The following DNMT3A variants were observed in gnomAD, a reference collection of about 807,000 sequenced individuals.
DNMT3A encodes DNA methyltransferase 3 alpha, also known as DNA (cytosine-5)-methyltransferase 3A.
A neutral mutation model predicts 117.6 loss-of-function variants in DNMT3A; 267 were observed. The ratio of observed to expected loss-of-function variants is 2.27; its 90% CI spans 2.05 to 2.51. The LOEUF is 2.51. DNMT3A is among the 30% of genes most tolerant of loss of function. The pLI is 0.00. For synonymous variants in DNMT3A, 432 were observed against 474.8 expected (o/e 0.91, Z 1.17); for missense variants, 1,029 against 1,260.2 (o/e 0.82, Z 2.78).
rs1424787152 is a variant in DNMT3A at position 25,248,025 on chromosome 2, G to A, written c.855+12C>T. 6.2e-7 allele frequency: 1 copy of A among 1,611,768 alleles called. No individual in the cohort carries two copies. The highest frequency in any genetic ancestry group is 8.5e-7 in the Non-Finnish European group (1 of 1,179,916). ...GAAAGAGCTGGCCACGGCTGGTGAAGAAGCCGCTCACCTCGTACTCTGGCT... is the reference window on the plus strand; with the variant it reads ...GAAAGAGCTGGCCACGGCTGGTGAAAAAGCCGCTCACCTCGTACTCTGGCT... On this transcript the variant is annotated intron_variant, in intron 7 of 22. Coordinates refer to ENST00000321117, the MANE Select transcript of DNMT3A (RefSeq NM_022552.5).
At chr2:25,328,732 G>A (rs919483744) in intron 1 of DNMT3A, 1 of 502,734 alleles carries the variant, frequency 2.0e-6, no homozygotes, top group Non-Finnish European at 4.1e-6. Flanking sequence ...CCATTCTAGG[G>A]GTCGCTTGGC....
chr2:25,306,667 G>A lies in DNMT3A; in HGVS notation c.73-6424C>T, dbSNP rs947070286. Among the ~76,000 whole-genome samples, 3 of 152,084 alleles carry A rather than the reference G, an allele frequency of 2.0e-5. No individual in the cohort carries two copies. Among genetic ancestry groups the A allele is most frequent in the Non-Finnish European group, 2.9e-5 (2 of 68,026 alleles). On this transcript the variant is annotated intron_variant, in intron 2 of 22. Coordinates refer to ENST00000321117, the MANE Select transcript of DNMT3A (RefSeq NM_022552.5). The surrounding 1 kb of genome is among the most constrained non-coding windows in gnomAD (Gnocchi z 4.1). ...CATTGTCTTCTGGAGGTGCAGGGTG[G>A]GCCAGACCTCACACCCACGAGCAGC...
chr2:25,290,749 T>C (rs56306948), intron 3 of DNMT3A, among the ~76,000 whole-genome samples: 2,085 of 135,398 alleles, frequency 0.015, 39 homozygotes, highest in African/African-American at 0.052. Flanking sequence ...AGAAGCCCTG[T>C]CCCCAGGCTG....
rs895451004 is a variant in DNMT3A, at chr2:25,294,554, G to A, written c.177+5585C>T. ...TAGGGGCACCATATCACCCAGCCGA[G>A]GTCCGGAGGGTTAGCCCAGGAGCGG... On this transcript the variant is annotated intron_variant, in intron 3 of 22. Coordinates refer to ENST00000321117, the MANE Select transcript of DNMT3A (RefSeq NM_022552.5). The surrounding 1 kb of genome is among the most constrained non-coding windows in gnomAD (Gnocchi z 4.7). Among the ~76,000 whole-genome samples the A allele has an allele frequency of 6.6e-6, 1 of 152,224 alleles. No homozygotes were observed. The highest frequency in any genetic ancestry group is 2.4e-5 in the African/African-American group (1 of 41,450).
Position 25,240,719 on chromosome 2 carries a change from C to T in DNMT3A, c.2094G>A (p.Trp698Ter), listed in dbSNP as rs753452266. The part of the protein sequence containing the change: ...RSVTQKHIQE[W>*]GPFDLVIGGS... ...CCCCAATCACCAGATCGAATGGGCC[C>T]CACTCCTGGATCTGGGAGGATAAAG... is the stretch of plus-strand genomic sequence containing the variant. The change falls in exon 18 of 23, where the codon TGG becomes TGA. Residue 698 changes from tryptophan (W) to a stop codon, truncating the protein, a stop_gained. Coordinates refer to ENST00000321117, the MANE Select transcript of DNMT3A (RefSeq NM_022552.5). LOFTEE classifies it high-confidence loss of function. 4 of 1,614,158 alleles carry T rather than the reference C, an allele frequency of 2.5e-6. No homozygotes were observed. Among genetic ancestry groups the T allele is most frequent in the Non-Finnish European group, 3.4e-6 (4 of 1,180,010 alleles).
At chr2:25,299,205 G>T (rs1357816643) in intron 3 of DNMT3A, among the ~76,000 whole-genome samples, 3 of 152,222 alleles carry the variant, frequency 2.0e-5, no homozygotes, top group Non-Finnish European at 2.9e-5. Context: ...AAACCAGTTA[G>T]GCTCCTACAG....
Position 25,327,382 on chromosome 2 carries a change from C to T in DNMT3A, c.-177-13221G>A, listed in dbSNP as rs1178601063. Reference sequence around the variant, plus strand: ...TCAACATCCTGGCCAGCTAATCACTCCCTGCTTCAAGCACTCACTCAACAG... The same window carrying T: ...TCAACATCCTGGCCAGCTAATCACTTCCTGCTTCAAGCACTCACTCAACAG... On this transcript the variant is annotated intron_variant, in intron 1 of 22. Coordinates refer to ENST00000321117, the MANE Select transcript of DNMT3A (RefSeq NM_022552.5). The surrounding 1 kb of genome is among the most constrained non-coding windows in gnomAD (Gnocchi z 4.1). Among the ~76,000 whole-genome samples the T allele has an allele frequency of 1.3e-5, 2 of 152,132 alleles. No individual in the cohort carries two copies. The highest frequency in any genetic ancestry group is 2.9e-5 in the Non-Finnish European group (2 of 68,024).
intron 3 of DNMT3A, among the ~76,000 whole-genome samples, chr2:25,299,693 G>A (rs2033309037): frequency 6.6e-6 from 1 of 152,184 alleles, no homozygotes; most frequent in Non-Finnish European, 1.5e-5. Context: ...CACTTTGGGA[G>A]GCTGAAGTGG....
chr2:25,326,712 T>C (rs978085177), intron 1 of DNMT3A, among the ~76,000 whole-genome samples: 2 of 152,190 alleles, frequency 1.3e-5, no homozygotes, highest in Non-Finnish European at 2.9e-5. Context: ...TTGCCAGATA[T>C]GAAGCTTCCC....
Position 25,252,268 on chromosome 2 carries a change from G to A in DNMT3A, c.640-4016C>T. 2.3e-6 allele frequency: 3 copies of A among 1,289,970 alleles called. No homozygotes were observed. The highest frequency in any genetic ancestry group is 2.6e-5 in the Admixed American group (1 of 38,384). 79.9% of individuals were successfully genotyped at this position (1,289,970 alleles called of 1,614,324 possible). On this transcript the variant is annotated intron_variant, in intron 6 of 22. Coordinates refer to ENST00000321117, the MANE Select transcript of DNMT3A (RefSeq NM_022552.5). This position sits in a 1 kb window ranked among gnomAD's most constrained non-coding sequence, Gnocchi z 5.5. Reference sequence around the variant, plus strand: ...CGGCCCTGAAGCTCTGGAAGTAGCTGCCCGTCTTGGGGGAGGGGAAGGGGG... The same window carrying A: ...CGGCCCTGAAGCTCTGGAAGTAGCTACCCGTCTTGGGGGAGGGGAAGGGGG...
At position 25,237,003 on chromosome 2, in the gene DNMT3A, G is replaced by A. The variant is rs750597155; in HGVS notation, c.2411C>T (p.Pro804Leu). 2.5e-6 allele frequency: 4 copies of A among 1,613,386 alleles called. No individual in the cohort carries two copies. Among genetic ancestry groups the A allele is most frequent in the Non-Finnish European group, 3.4e-6 (4 of 1,179,892 alleles). Residue 804 changes from proline (P) to leucine (L), a missense_variant and splice_region_variant, in exon 21 of 23, where the codon CCG becomes CTG. Physicochemically the swap from Pro to Leu is moderately conservative, Grantham distance 98. Transcript: ENST00000321117. This position sits in a 1 kb window ranked among gnomAD's most constrained non-coding sequence, Gnocchi z 5.4. Reference protein sequence around the residue: ...FWGNLPGMNRPLASTVNDKLE... With the variant: ...FWGNLPGMNRLLASTVNDKLE... The stretch of plus-strand genomic sequence containing the variant: ...CTTATCATTCACAGTGGATGCCAAC[G>A]GCCTAGGAGGCAGAAGAGAGACTGT...
rs1302086379 is a variant in DNMT3A at position 25,240,628 on chromosome 2, G to A, written c.2173+12C>T. 13 of 1,614,152 alleles carry A rather than the reference G, an allele frequency of 8.1e-6. No homozygotes were observed. In the South Asian group the frequency reaches 1.4e-4, roughly 18 times the overall value. ...CCAGCTGAGAAGGTGGAGGGGACAG[G>A]ATGGTACCTACCGTAGAGGCCCTTG... On this transcript the variant is annotated intron_variant, in intron 18 of 22. Coordinates refer to ENST00000321117, the MANE Select transcript of DNMT3A (RefSeq NM_022552.5).
At chr2:25,249,838 C>A in intron 6 of DNMT3A, 1 of 1,253,978 alleles carries the variant, frequency 8.0e-7, no homozygotes. Context: ...TCCACCATAC[C>A]AGATTTAGAG....
In DNMT3A at chr2:25,336,096, G is replaced by A. The variant is rs566705748; in HGVS notation, c.-178+5730C>T. Among the ~76,000 whole-genome samples the A allele has an allele frequency of 3.3e-5, 5 of 152,358 alleles. No individual in the cohort carries two copies. In the South Asian group the frequency reaches 8.3e-4, roughly 25 times the overall value. On this transcript the variant is annotated intron_variant, in intron 1 of 22. Transcript: ENST00000321117. ...AGGTTGGTGGCCTGTGATGTGATCAGCAAGGGAGATTTGGCCCAGAAGGCC... is the reference window on the plus strand; with the variant it reads ...AGGTTGGTGGCCTGTGATGTGATCAACAAGGGAGATTTGGCCCAGAAGGCC...
At chr2:25,320,865 C>T (rs532720376) in intron 1 of DNMT3A, among the ~76,000 whole-genome samples, 42 of 152,276 alleles carry the variant, frequency 2.8e-4, no homozygotes, top group African/African-American at 9.6e-4. Flanking sequence ...GGCGCGGTGG[C>T]TCACACCTGT....
At chr2:25,274,385 G>A (rs1047299218) in intron 6 of DNMT3A, among the ~76,000 whole-genome samples, 3 of 152,184 alleles carry the variant, frequency 2.0e-5, no homozygotes, top group Admixed American at 2.0e-4. Flanking sequence ...CAGCTTTTGG[G>A]CAGACTCTGC....
chr2:25,247,491 T>G lies in DNMT3A; in HGVS notation c.1014+100A>C. 1.3e-6 allele frequency: 2 copies of G among 1,531,988 alleles called. No homozygotes were observed. Among genetic ancestry groups the G allele is most frequent in the Non-Finnish European group, 1.8e-6 (2 of 1,132,368 alleles). The allele number at this position is 1,531,988 out of a possible 1,614,324, so 94.9% of individuals were successfully genotyped here. On this transcript the variant is annotated intron_variant, in intron 8 of 22. Coordinates refer to ENST00000321117, the MANE Select transcript of DNMT3A (RefSeq NM_022552.5). The surrounding 1 kb of genome is among the most constrained non-coding windows in gnomAD (Gnocchi z 5.6). ...CAGAGTAGGGGTGAGCAGAACCCAC[T>G]TCCATCACCCCAATTCCAGACTGCC...
chr2:25,272,167 A>G (rs995328595), intron 6 of DNMT3A, among the ~76,000 whole-genome samples: 20 of 152,154 alleles, frequency 1.3e-4, no homozygotes, highest in Admixed American at 5.2e-4. Context: ...TTGTATTTGT[A>G]GTACAGATGG....
In DNMT3A at chr2:25,241,594, CGTACATGATCTTCCCCTG is replaced by C; in HGVS notation, c.2032_2049del (p.Gln678_Tyr683del). 1 of 1,613,368 alleles carries C rather than the reference CGTACATGATCTTCCCCTG, an allele frequency of 6.2e-7. No homozygotes were observed. The highest frequency in any genetic ancestry group is 1.3e-5 in the African/African-American group (1 of 75,002). ...TGTGTGACGCTGCGGACGTCCCCGA[CGTACATGATCTTCCCCTG>C]GTGCCGCACCATGCCCACCGTGATG... On this transcript the variant is annotated inframe_deletion, in exon 17 of 23. Transcript: ENST00000321117.
Sources: gnomAD v4.1 joint callset for allele counts (sites outside exome capture counted in the v4.1 genomes callset) on GRCh38, gnomAD v4.1.1 for gene constraint, Gnocchi (gnomAD v3.1) non-coding constraint, MANE v1.5 for transcripts, NCBI Gene and HGNC (gene_info 2026-07-23, HGNC 2026-07-21) for gene names.